Variants in SYNDIG1 observed in about 807,000 individuals in gnomAD.
The protein encoded by SYNDIG1 is synapse differentiation inducing 1.
In SYNDIG1, 9 loss-of-function variants were observed where a neutral mutation model predicts 19.4. The ratio of observed to expected loss-of-function variants is 0.46; its 90% CI spans 0.28 to 0.81. The LOEUF (loss-of-function observed/expected upper bound fraction) is 0.81. SYNDIG1 is among the 30% of genes least tolerant of loss of function. SYNDIG1 has a pLI of 0.12. For missense variants in SYNDIG1, 311 were observed against 343.3 expected (o/e 0.91, Z 0.74); for synonymous variants, 141 against 145.9 (o/e 0.97, Z 0.24).
At chr20:24,626,292 G>A (rs1199323118) in intron 3 of SYNDIG1, among the ~76,000 whole-genome samples, 1 of 152,016 alleles carries the variant, frequency 6.6e-6, no homozygotes, top group Non-Finnish European at 1.5e-5. Context: ...GGTGGCAGCC[G>A]GGCGGAGGGG....
At chr20:24,493,442 T>C (rs1600425780) in intron 1 of SYNDIG1, among the ~76,000 whole-genome samples, 1 of 152,090 alleles carries the variant, frequency 6.6e-6, no homozygotes, top group East Asian at 1.9e-4. Flanking sequence ...CACACATACA[T>C]GGGCATACAC....
intron 1 of SYNDIG1, among the ~76,000 whole-genome samples, chr20:24,481,522 G>A (rs983753676): frequency 1.3e-5 from 2 of 152,170 alleles, no homozygotes; most frequent in South Asian, 2.1e-4. Flanking sequence ...CTCCTGAACC[G>A]TCTCCACAGC....
At position 24,543,057 on chromosome 20, in the gene SYNDIG1, C is replaced by T. The variant is rs1301771115; in HGVS notation, c.-41C>T. On this transcript the variant is annotated 5_prime_UTR_variant, in exon 2 of 4. Transcript: ENST00000376862. The stretch of plus-strand genomic sequence containing the variant: ...CCCTGAGGCAAGTGTAACCTACATT[C>T]CCAGCCCACCAGCCTGACGCCCAGC... 2 of 1,588,580 alleles carry T rather than the reference C, an allele frequency of 1.3e-6. No individual in the cohort carries two copies. Among genetic ancestry groups the T allele is most frequent in the Non-Finnish European group, 1.7e-6 (2 of 1,164,410 alleles).
intron 3 of SYNDIG1, among the ~76,000 whole-genome samples, chr20:24,622,465 C>G (rs2059054132): frequency 6.6e-6 from 1 of 152,222 alleles, no homozygotes; most frequent in Non-Finnish European, 1.5e-5. Flanking sequence ...CTGGGCCACA[C>G]AGCAGGAGGT....
At chr20:24,516,555 A>G (rs1407348867) in intron 1 of SYNDIG1, among the ~76,000 whole-genome samples, 1 of 152,236 alleles carries the variant, frequency 6.6e-6, no homozygotes, top group East Asian at 1.9e-4. Flanking sequence ...CAGCCAACAG[A>G]CACATGAAAA....
chr20:24,504,497 C>T (rs970983359), intron 1 of SYNDIG1, among the ~76,000 whole-genome samples: 1 of 152,148 alleles, frequency 6.6e-6, no homozygotes, highest in African/African-American at 2.4e-5. Flanking sequence ...CTCCCTTGGC[C>T]CTCTCTGGAT....
rs761588682 is a variant in SYNDIG1 at position 24,543,047 on chromosome 20, A to G, written c.-51A>G. 2 of 1,579,610 alleles carry G rather than the reference A, an allele frequency of 1.3e-6. No individual in the cohort carries two copies. The highest frequency in any genetic ancestry group is 2.7e-5 in the African/African-American group (2 of 74,336). ...GAAATGGCTTCCCTGAGGCAAGTGT[A>G]ACCTACATTCCCAGCCCACCAGCCT... is the stretch of plus-strand genomic sequence containing the variant. On this transcript the variant is annotated 5_prime_UTR_variant, in exon 2 of 4. An upstream open reading frame in the 5' UTR loses its in-frame stop. Transcript: ENST00000376862.
At position 24,532,116 on chromosome 20, in the gene SYNDIG1, T is replaced by C. The variant is rs554205903; in HGVS notation, c.-78-10904T>C. Among the ~76,000 whole-genome samples, 14 of 152,302 alleles carry C rather than the reference T, an allele frequency of 9.2e-5. No individual in the cohort carries two copies. In the South Asian group the frequency reaches 2.7e-3, roughly 29 times the overall value. On this transcript the variant is annotated intron_variant, in intron 1 of 3. Transcript: ENST00000376862. ...ACTGAGGGCTTTGTTTTTAAGGTAG[T>C]TTTATTCTCACTATATACCTGCCAG...
At chr20:24,571,510 G>A (rs1299031544) in intron 2 of SYNDIG1, among the ~76,000 whole-genome samples, 1 of 151,938 alleles carries the variant, frequency 6.6e-6, no homozygotes, top group Non-Finnish European at 1.5e-5. Context: ...ATTTCAAAGT[G>A]TATATATATA....
intron 3 of SYNDIG1, among the ~76,000 whole-genome samples, chr20:24,649,419 G>A (rs1297369511): frequency 6.6e-6 from 1 of 152,166 alleles, no homozygotes; most frequent in Non-Finnish European, 1.5e-5. Flanking sequence ...TATTGGGTTT[G>A]AGTGCTGGAT....
chr20:24,556,230 G>T (rs1362773724), intron 2 of SYNDIG1, among the ~76,000 whole-genome samples: 2 of 152,124 alleles, frequency 1.3e-5, no homozygotes, highest in Non-Finnish European at 2.9e-5. Flanking sequence ...CCTGAATACA[G>T]CACACTGATG....
chr20:24,589,417 T>C (rs34118798), intron 3 of SYNDIG1, among the ~76,000 whole-genome samples: 36,129 of 152,212 alleles, frequency 0.24, 4,601 homozygotes, highest in East Asian at 0.5. Flanking sequence ...TGTTTGCAAA[T>C]GAAAATAGAA....
intron 1 of SYNDIG1, among the ~76,000 whole-genome samples, chr20:24,472,891 G>T (rs1420230933): frequency 6.6e-6 from 1 of 152,204 alleles, no homozygotes; most frequent in Non-Finnish European, 1.5e-5. Context: ...ATTTAAAGGT[G>T]TCCTTAGTTA....
chr20:24,559,000 A>G (rs986307698), intron 2 of SYNDIG1, among the ~76,000 whole-genome samples: 18 of 152,250 alleles, frequency 1.2e-4, no homozygotes, highest in Non-Finnish European at 2.4e-4. Flanking sequence ...GAGCAATATC[A>G]GAAATCAATA....
At chr20:24,649,106 C>T (rs1212269647) in intron 3 of SYNDIG1, among the ~76,000 whole-genome samples, 1 of 152,110 alleles carries the variant, frequency 6.6e-6, no homozygotes, top group African/African-American at 2.4e-5. Flanking sequence ...TGCAGGGAAG[C>T]ATGACCTGAA....
intron 2 of SYNDIG1, among the ~76,000 whole-genome samples, chr20:24,570,674 G>A (rs1391506611): frequency 1.3e-5 from 2 of 152,178 alleles, no homozygotes; most frequent in South Asian, 2.1e-4. Flanking sequence ...GGGATGCAAA[G>A]TAACTGGAAC....
intron 1 of SYNDIG1, among the ~76,000 whole-genome samples, chr20:24,486,090 G>C (rs1030617070): frequency 1.3e-5 from 2 of 152,210 alleles, no homozygotes; most frequent in Admixed American, 1.3e-4. Flanking sequence ...ATTCAGCCAG[G>C]GAGGGTCACC....
At chr20:24,583,627 C>T (rs1015075562) in intron 2 of SYNDIG1, among the ~76,000 whole-genome samples, 8 of 152,186 alleles carry the variant, frequency 5.3e-5, no homozygotes, top group South Asian at 2.1e-4. Context: ...GAATGACAGA[C>T]AGGAGGCACC....
At chr20:24,631,528 T>C (rs1391918197) in intron 3 of SYNDIG1, among the ~76,000 whole-genome samples, 1 of 152,138 alleles carries the variant, frequency 6.6e-6, no homozygotes, top group African/African-American at 2.4e-5. Context: ...TACCAAAACT[T>C]TTTTCTTCAT....
Sources: allele counts gnomAD v4.1 joint callset (sites outside exome capture counted in the v4.1 genomes callset), GRCh38; gene constraint gnomAD v4.1.1; transcripts MANE v1.5; gene names NCBI Gene and HGNC (gene_info 2026-07-23, HGNC 2026-07-21).